The following CFAP299 variants were observed in gnomAD, a reference collection of about 807,000 sequenced individuals.
The protein encoded by CFAP299 is cilia- and flagella-associated protein 299.
Under a neutral mutation model 27.0 loss-of-function variants are expected in CFAP299, and 21 were observed. The ratio of observed to expected loss-of-function variants is 0.78; its 90% confidence interval spans 0.55 to 1.12. The LOEUF is 1.12. Among genes scored for constraint, CFAP299 ranks in the 50% most tolerant of loss-of-function variants. The pLI is 0.00. For synonymous variants in CFAP299, 104 were observed against 98.1 expected, an observed-to-expected ratio of 1.06 and a Z score of -0.36; for missense variants, 310 against 276.6, an observed-to-expected ratio of 1.12 and a Z score of -0.86.
chr4:80,359,537 A>G (rs1285227455), intron 1 of CFAP299, among the ~76,000 whole-genome samples: 1 of 151,740 alleles, frequency 6.6e-6, no homozygotes, highest in Non-Finnish European at 1.5e-5. Flanking sequence ...TTTTCTCTCT[A>G]TTCTTGTCTG....
chr4:80,788,931 T>C (rs1236124242), intron 3 of CFAP299, among the ~76,000 whole-genome samples: 2 of 152,096 alleles, frequency 1.3e-5, no homozygotes, highest in Non-Finnish European at 2.9e-5. Context: ...GCCTTTAAAT[T>C]AAGTGTGGTT....
intron 2 of CFAP299, among the ~76,000 whole-genome samples, chr4:80,498,944 G>A (rs772276301): frequency 5.9e-5 from 9 of 152,278 alleles, no homozygotes; most frequent in Non-Finnish European, 1.0e-4. Context: ...GTTCTTTGCA[G>A]CAACATGTAT....
At chr4:80,685,842 T>C (rs571557116) in intron 3 of CFAP299, among the ~76,000 whole-genome samples, 1 of 152,294 alleles carries the variant, frequency 6.6e-6, no homozygotes, top group African/African-American at 2.4e-5. Context: ...CCAGTTCATT[T>C]GAGAGAAACA....
intron 5 of CFAP299, among the ~76,000 whole-genome samples, chr4:80,959,568 A>C (rs185614804): frequency 1.9e-4 from 29 of 152,190 alleles, no homozygotes; most frequent in Middle Eastern, 3.4e-3. Flanking sequence ...TATTTTTGTT[A>C]ATAACATTAT....
intron 2 of CFAP299, among the ~76,000 whole-genome samples, chr4:80,540,540 T>A (rs1733950501): frequency 6.6e-6 from 1 of 152,036 alleles, no homozygotes; most frequent in East Asian, 1.9e-4. Context: ...CACAGAGAGA[T>A]TTACAGGAAA....
chr4:80,950,253 A>C (rs898686451), intron 5 of CFAP299, among the ~76,000 whole-genome samples: 178 of 145,760 alleles, frequency 1.2e-3, no homozygotes, highest in East Asian at 4.5e-3. Flanking sequence ...TCTTCCCTCC[A>C]CCCCCCCCCT....
rs181069417 is a variant in CFAP299 at position 80,790,927 on chromosome 4, G to T, written c.334-79066G>T. Among the ~76,000 whole-genome samples, 11 of 151,946 alleles carry T rather than the reference G, an allele frequency of 7.2e-5. No individual in the cohort carries two copies. The East Asian group carries it at 2.1e-3, about 29-fold the overall frequency. On this transcript the variant is annotated intron_variant, in intron 3 of 5. Coordinates refer to ENST00000358105, the MANE Select transcript of CFAP299 (RefSeq NM_152770.3). ...GATTACCATATTAGAATTCTAATGG[G>T]GACATTTATCAATTTATTTTTGAAT...
intron 2 of CFAP299, among the ~76,000 whole-genome samples, chr4:80,366,845 C>A (rs979697402): frequency 1.3e-5 from 2 of 151,938 alleles, no homozygotes; most frequent in Non-Finnish European, 2.9e-5. Context: ...AAATTTGGTA[C>A]CTAAGTGTAA....
At chr4:80,498,469 G>A (rs1317292974) in intron 2 of CFAP299, among the ~76,000 whole-genome samples, 6 of 151,978 alleles carry the variant, frequency 3.9e-5, no homozygotes, top group Admixed American at 2.0e-4. Context: ...AGACATACAC[G>A]TGGCCTAACA....
At chr4:80,705,552 A>G (rs752924702) in intron 3 of CFAP299, among the ~76,000 whole-genome samples, 9 of 151,776 alleles carry the variant, frequency 5.9e-5, no homozygotes, top group Non-Finnish European at 1.3e-4. Flanking sequence ...GGAGTTTGGA[A>G]CAATTCTGTT....
At chr4:80,841,273 C>T (rs1378125883) in intron 3 of CFAP299, among the ~76,000 whole-genome samples, 1 of 152,044 alleles carries the variant, frequency 6.6e-6, no homozygotes, top group Non-Finnish European at 1.5e-5. Context: ...TAGCCTAGAC[C>T]CTATGGTCTC....
At chr4:80,584,936 A>G (rs1435071435) in intron 3 of CFAP299, among the ~76,000 whole-genome samples, 1 of 152,106 alleles carries the variant, frequency 6.6e-6, no homozygotes, top group Non-Finnish European at 1.5e-5. Flanking sequence ...TATAGAAATA[A>G]AGCCAAAATG....
chr4:80,398,403 A>C (rs1411943510), intron 2 of CFAP299, among the ~76,000 whole-genome samples: 1 of 152,210 alleles, frequency 6.6e-6, no homozygotes, highest in African/African-American at 2.4e-5. Flanking sequence ...CAAAAGAACA[A>C]AGGTGGAGGC....
At position 80,708,974 on chromosome 4, in the gene CFAP299, TA is replaced by T. The variant is rs533841153; in HGVS notation, c.333+125796del. ...TCATCTAATCTGTAGAATATCATCT[TA>T]AAAACAGCAAAAGTAACACAAAATA... is the stretch of plus-strand genomic sequence containing the variant. On this transcript the variant is annotated intron_variant, in intron 3 of 5. Coordinates refer to ENST00000358105, the MANE Select transcript of CFAP299 (RefSeq NM_152770.3). Among the ~76,000 whole-genome samples, 11 of 152,258 alleles carry T rather than the reference TA, an allele frequency of 7.2e-5. No individual in the cohort carries two copies. In the South Asian group the frequency reaches 2.3e-3, roughly 32 times the overall value.
intron 2 of CFAP299, among the ~76,000 whole-genome samples, chr4:80,488,474 C>CT (rs35951592): frequency 0.14 from 18,762 of 136,504 alleles, 1,985 homozygotes; most frequent in African/African-American, 0.29. Flanking sequence ...TGGTAAACAC[C>CT]TTTTTTTTTT....
intron 2 of CFAP299, among the ~76,000 whole-genome samples, chr4:80,530,939 G>A (rs1733432423): frequency 6.6e-6 from 1 of 152,190 alleles, no homozygotes; most frequent in South Asian, 2.1e-4. Flanking sequence ...TGATAGTACA[G>A]ACTATGTAGG....
chr4:80,571,232 T>C, intron 2 of CFAP299, among the ~76,000 whole-genome samples: 1 of 152,162 alleles, frequency 6.6e-6, no homozygotes, highest in Middle Eastern at 3.2e-3. Context: ...CAAAATAATC[T>C]TATGAGTATA....
Position 80,335,744 on chromosome 4 carries a change from G to T in CFAP299, c.-25G>T. On this transcript the variant is annotated 5_prime_UTR_variant, in exon 1 of 6. Coordinates refer to ENST00000358105, the MANE Select transcript of CFAP299 (RefSeq NM_152770.3). ...CCTGCCCTCCTGCTTCCGTTGCTAG[G>T]GACGCTTCGGCCGAGGATACCGCAA... The T allele has an allele frequency of 7.0e-7, 1 of 1,433,412 alleles. No homozygotes were observed. The highest frequency in any genetic ancestry group is 9.8e-7 in the Non-Finnish European group (1 of 1,015,348). 88.8% of individuals were successfully genotyped at this position (1,433,412 alleles called of 1,614,324 possible). A position where few individuals can be genotyped will look rare whatever the true frequency, so the allele number is the denominator to read the frequency against.
chr4:80,580,820 A>G (rs148992728), intron 2 of CFAP299, among the ~76,000 whole-genome samples: 46 of 152,112 alleles, frequency 3.0e-4, no homozygotes, highest in Non-Finnish European at 5.6e-4. Flanking sequence ...CTGAGAAAAT[A>G]TGAGTAGAAG....
Sources: allele counts gnomAD v4.1 joint callset (sites outside exome capture counted in the v4.1 genomes callset), GRCh38; gene constraint gnomAD v4.1.1; transcripts MANE v1.5; gene names NCBI Gene and HGNC (gene_info 2026-07-23, HGNC 2026-07-21).